Variants in FGFR4 observed in about 807,000 individuals in gnomAD.
FGFR4 encodes fibroblast growth factor receptor 4, also known as hydroxyaryl-protein kinase.
Under a neutral mutation model 89.9 loss-of-function variants are expected in FGFR4, and 63 were observed. That is an observed-to-expected ratio of 0.70 (90% CI 0.57 to 0.86). The LOEUF is 0.86. Among genes scored for constraint, FGFR4 ranks in the 40% least tolerant of loss-of-function variants. FGFR4 has a pLI of 0.00. For synonymous variants in FGFR4, 486 were observed against 479.4 expected, an observed-to-expected ratio of 1.01 and a Z score of -0.18; for missense variants, 928 against 1,106.7, an observed-to-expected ratio of 0.84 and a Z score of 2.29.
rs538562844 is a variant in FGFR4, at chr5:177,095,565, A to C, written c.1663A>C (p.Lys555Gln). 1 of 1,610,102 alleles carries C rather than the reference A, an allele frequency of 6.2e-7. No individual in the cohort carries two copies. The highest frequency in any genetic ancestry group is 8.5e-7 in the Non-Finnish European group (1 of 1,178,516). ...PLYVIVECAA[K>Q]GNLREFLRAR... Reference sequence around the variant, plus strand: ...GTACGTGATCGTGGAGTGCGCCGCCAAGGGAAACCTGCGGGAGTTCCTGCG... The same window carrying C: ...GTACGTGATCGTGGAGTGCGCCGCCCAGGGAAACCTGCGGGAGTTCCTGCG... The change falls in exon 13 of 18, where the codon AAG becomes CAG. Residue 555 changes from lysine to glutamine, a missense_variant. By Grantham distance (53) the Lys-to-Gln change is moderately conservative. Transcript: ENST00000292408. This position sits in a 1 kb window ranked among gnomAD's most constrained non-coding sequence, Gnocchi z 5.7.
rs1364124711 is a variant in FGFR4, at chr5:177,091,822, T to G, written c.727+14T>G. 3 of 1,613,814 alleles carry G rather than the reference T, an allele frequency of 1.9e-6. No individual in the cohort carries two copies. In the Admixed American group the frequency reaches 5.0e-5, roughly 27 times the overall value. On this transcript the variant is annotated intron_variant, in intron 6 of 17. Coordinates refer to ENST00000292408, the MANE Select transcript of FGFR4 (RefSeq NM_213647.3). Reference sequence around the variant, plus strand: ...TAGATGTGCTGGGTGAGCGCGGGGCTGGGAACAGGGGAGGCCTGACCCATT... The same window carrying G: ...TAGATGTGCTGGGTGAGCGCGGGGCGGGGAACAGGGGAGGCCTGACCCATT...
chr5:177,089,407 C>T, intron 1 of FGFR4, 143 bp from the exon 2 acceptor site: 1 of 919,872 alleles, frequency 1.1e-6, no homozygotes, highest in East Asian at 2.7e-5. Context: ...GAGCTGGTTC[C>T]AGTCTGCACT....
At chr5:177,091,417 C>T (rs1158669616) in intron 5 of FGFR4, among the ~76,000 whole-genome samples, 1 of 152,200 alleles carries the variant, frequency 6.6e-6, no homozygotes, top group Non-Finnish European at 1.5e-5. Context: ...TGTCATGAGG[C>T]AACTGAGTCT....
In FGFR4 at chr5:177,093,739, G is replaced by A. The variant is rs774428041; in HGVS notation, c.1483G>A (p.Asp495Asn). Residue 495 changes from aspartate (D) to asparagine (N), a missense_variant, in exon 11 of 18, where the codon GAC (aspartate) becomes AAC (asparagine). Asp to Asn is a conservative substitution (Grantham distance 23). Coordinates refer to ENST00000292408, the MANE Select transcript of FGFR4 (RefSeq NM_213647.3). The surrounding 1 kb of genome is among the most constrained non-coding windows in gnomAD (Gnocchi z 5.8). The stretch of plus-strand genomic sequence containing the variant: ...CTTTGGCATGGACCCTGCCCGGCCT[G>A]ACCAAGCCAGCACTGTGGCCGTCAA... ...EAFGMDPARPDQASTVAVKML... is the reference protein window; with the variant it reads ...EAFGMDPARPNQASTVAVKML... The A allele has an allele frequency of 6.8e-6, 11 of 1,613,698 alleles. 1 individual carries two copies. The South Asian group carries it at 1.2e-4, about 18-fold the overall frequency.
intron 16 of FGFR4, among the ~76,000 whole-genome samples, 160 bp downstream of exon 16, chr5:177,096,901 C>T (rs1582020554): frequency 7.4e-6 from 1 of 134,922 alleles, no homozygotes; most frequent in Non-Finnish European, 1.6e-5. Flanking sequence ...TCCTCCTCCT[C>T]CTCTTCCTCC....
chr5:177,090,530 C>A lies in FGFR4; in HGVS notation c.232C>A (p.Arg78Ser), dbSNP rs1784326239. 1.3e-6 allele frequency: 2 copies of A among 1,555,764 alleles called. No individual in the cohort carries two copies. The highest frequency in any genetic ancestry group is 1.4e-5 in the African/African-American group (1 of 73,616). Residue 78 changes from arginine (R) to serine (S), a missense_variant, in exon 3 of 18, where the codon CGT becomes AGT. By Grantham distance (110) the Arg-to-Ser change is moderately radical (BLOSUM62 -1). This residue lies in a region of FGFR4 where 741 missense variants were observed against 836.9 expected (regional missense o/e 0.89). Coordinates refer to ENST00000292408, the MANE Select transcript of FGFR4 (RefSeq NM_213647.3). Reference protein sequence around the residue: ...KEGSRLAPAGRVRGWRGRLEI... With the variant: ...KEGSRLAPAGSVRGWRGRLEI... ...GGGCAGTCGCCTGGCACCTGCTGGC[C>A]GTGTACGGGGCTGGAGGGGCCGCCT...
rs756449612 is a variant in FGFR4 at position 177,095,395 on chromosome 5, C to T, written c.1585C>T (p.Arg529Ter). ...SEMEVMKLIG[R>*]HKNIINLLGV... is the part of the protein sequence containing the mutation. ...GATGGAGGTGATGAAGCTGATCGGC[C>T]GACACAAGAACATCATCAACCTGCT... The change falls in exon 12 of 18, where the codon CGA becomes TGA. Residue 529 changes from arginine to a stop codon, truncating the protein, a stop_gained. Transcript: ENST00000292408. LOFTEE classifies it high-confidence loss of function. This position sits in a 1 kb window ranked among gnomAD's most constrained non-coding sequence, Gnocchi z 5.7. 5.6e-6 allele frequency: 9 copies of T among 1,614,028 alleles called. No homozygotes were observed. Among genetic ancestry groups the T allele is most frequent in the African/African-American group, 4.0e-5 (3 of 74,920 alleles).
rs747438040 is a variant in FGFR4, at chr5:177,093,701, T to C, written c.1445T>C (p.Val482Ala). The C allele has an allele frequency of 1.7e-5, 27 of 1,614,064 alleles. No individual in the cohort carries two copies. In the South Asian group the frequency reaches 2.5e-4, roughly 15 times the overall value. ...GGCGAGGGCTGCTTTGGCCAGGTAGTACGTGCAGAGGCCTTTGGCATGGAC... is the reference window on the plus strand; with the variant it reads ...GGCGAGGGCTGCTTTGGCCAGGTAGCACGTGCAGAGGCCTTTGGCATGGAC... ...PLGEGCFGQV[V>A]RAEAFGMDPA... is the part of the protein sequence containing the mutation. Residue 482 changes from valine (V) to alanine (A), a missense_variant, in exon 11 of 18, where the codon GTA (valine) becomes GCA (alanine). This residue lies in a region of FGFR4 where 741 missense variants were observed against 836.9 expected (regional missense o/e 0.89). Transcript: ENST00000292408. This position sits in a 1 kb window ranked among gnomAD's most constrained non-coding sequence, Gnocchi z 5.8.
rs571739947 is a variant in FGFR4 at position 177,096,775 on chromosome 5, C to T, written c.2153+34C>T. On this transcript the variant is annotated intron_variant, in intron 16 of 17. Coordinates refer to ENST00000292408, the MANE Select transcript of FGFR4 (RefSeq NM_213647.3). Reference sequence around the variant, plus strand: ...TCACCCTGCCCTCGACCCCACTTTCCAGTCCTCCTCCTCCTCTGCCCTGAC... The same window carrying T: ...TCACCCTGCCCTCGACCCCACTTTCTAGTCCTCCTCCTCCTCTGCCCTGAC... 6.4e-6 allele frequency: 10 copies of T among 1,553,860 alleles called. 1 individual carries two copies. The South Asian group carries it at 1.2e-4, about 19-fold the overall frequency.
In FGFR4 at chr5:177,093,340, C is replaced by G. The variant is rs113180326; in HGVS notation, c.1251+9C>G. On this transcript the variant is annotated intron_variant, in intron 9 of 17. Transcript: ENST00000292408. The surrounding 1 kb of genome is among the most constrained non-coding windows in gnomAD (Gnocchi z 5.8). Reference sequence around the variant, plus strand: ...TCCCTCTGGCCCGACAGGTACTGGGCGCATCCCCCACCTCACATGTGACAG... The same window carrying G: ...TCCCTCTGGCCCGACAGGTACTGGGGGCATCCCCCACCTCACATGTGACAG... 6.3e-7 allele frequency: 1 copy of G among 1,576,312 alleles called. No homozygotes were observed. Among genetic ancestry groups the G allele is most frequent in the South Asian group, 1.1e-5 (1 of 90,694 alleles).
intron 5 of FGFR4, 71 bp downstream of exon 5, chr5:177,091,175 A>G: frequency 6.8e-7 from 1 of 1,467,100 alleles, no homozygotes; most frequent in Non-Finnish European, 9.1e-7. Context: ...CATACCTACA[A>G]GCATACCTAT....
rs1244339746 is a variant in FGFR4, at chr5:177,096,272, C to T, written c.1945-15C>T. ...ACCTGTGGGACTCTGCACTGAGGCC[C>T]TCTCTCCCCTCCAGGGCCGCCTGCC... On this transcript the variant is annotated splice_polypyrimidine_tract_variant and intron_variant, in intron 14 of 17. Transcript: ENST00000292408. 3 of 1,613,864 alleles carry T rather than the reference C, an allele frequency of 1.9e-6. No homozygotes were observed. Among genetic ancestry groups the T allele is most frequent in the African/African-American group, 2.7e-5 (2 of 74,930 alleles).
chr5:177,094,984 G>A (rs1249837893), intron 11 of FGFR4: 1 of 283,304 alleles, frequency 3.5e-6, no homozygotes, highest in African/African-American at 2.1e-5. Context: ...GACTACCGCT[G>A]ACCCCTCCAG....
In FGFR4 at chr5:177,095,106, C is replaced by G. The variant is rs1427118947; in HGVS notation, c.1520-224C>G. 3 of 552,764 alleles carry G rather than the reference C, an allele frequency of 5.4e-6. No individual in the cohort carries two copies. The highest frequency in any genetic ancestry group is 9.8e-6 in the Non-Finnish European group (3 of 304,874). 34.2% of individuals were successfully genotyped at this position (552,764 alleles called of 1,614,324 possible). ...GATCCTTGATACAGTTGCATCCTTGCAACTGCTGTGACAGGCAGGGTGTGA... is the reference window on the plus strand; with the variant it reads ...GATCCTTGATACAGTTGCATCCTTGGAACTGCTGTGACAGGCAGGGTGTGA... On this transcript the variant is annotated intron_variant, in intron 11 of 17. Coordinates refer to ENST00000292408, the MANE Select transcript of FGFR4 (RefSeq NM_213647.3). The surrounding 1 kb of genome is among the most constrained non-coding windows in gnomAD (Gnocchi z 5.7).
chr5:177,097,724 T>C lies in FGFR4; in HGVS notation c.*48T>C. On this transcript the variant is annotated 3_prime_UTR_variant, in exon 18 of 18. Transcript: ENST00000292408. ...CACATAGGCTGGTGGCCTTGGGCCT[T>C]GGGGCTCAGCCACAGCCTGACACAG... The C allele has an allele frequency of 6.3e-7, 1 of 1,591,876 alleles. No homozygotes were observed. Among genetic ancestry groups the C allele is most frequent in the Middle Eastern group, 1.7e-4 (1 of 5,956 alleles).
chr5:177,096,232 G>A, intron 14 of FGFR4, 53 bp downstream of exon 14: 2 of 1,613,288 alleles, frequency 1.2e-6, no homozygotes, highest in Non-Finnish European at 1.7e-6. Flanking sequence ...TGGGCCCGGG[G>A]TGGCAGGCAC....
intron 1 of FGFR4, among the ~76,000 whole-genome samples, chr5:177,088,056 T>A (rs1260446094): frequency 6.6e-6 from 1 of 152,068 alleles, no homozygotes; most frequent in East Asian, 1.9e-4. Context: ...TTTATTTTTT[T>A]ATTTTGTTTT....
intron 1 of FGFR4, among the ~76,000 whole-genome samples, 194 bp from the exon 2 acceptor site, chr5:177,089,356 C>G (rs535145573): frequency 6.6e-6 from 1 of 152,200 alleles, no homozygotes; most frequent in Non-Finnish European, 1.5e-5. Flanking sequence ...AGACCCCTTG[C>G]ACAACCTACC....
intron 16 of FGFR4, 68 bp from the exon 17 acceptor site, chr5:177,097,224 A>AC: frequency 7.5e-7 from 1 of 1,328,854 alleles, no homozygotes; most frequent in Non-Finnish European, 1.0e-6. Flanking sequence ...CACCCAGAGA[A>AC]CCCCCGGTCC....
Sources: allele counts gnomAD v4.1 joint callset (sites outside exome capture counted in the v4.1 genomes callset), GRCh38; gene constraint gnomAD v4.1.1; regional missense constraint gnomAD v4.1.1; non-coding constraint Gnocchi (gnomAD v3.1); transcripts MANE v1.5; gene names NCBI Gene and HGNC (gene_info 2026-07-23, HGNC 2026-07-21).